Variants in CCDC201 observed in about 807,000 individuals in gnomAD.
The protein encoded by CCDC201 is coiled-coil domain containing 201, also known as coiled-coil domain-containing protein 201.
At chr7:45,883,759 T>C in the CCDC201 span, among the ~76,000 whole-genome samples, 1 of 152,164 alleles carries the variant, frequency 6.6e-6, no homozygotes, top group Non-Finnish European at 1.5e-5. Context: ...CTTTCTTTCA[T>C]GCATTAATCA....
In CCDC201 at chr7:45,867,275, G is replaced by A. The variant is rs536475892; in HGVS notation, c.19-781C>T. On this transcript the variant is annotated intron_variant, in intron 1 of 2. Coordinates refer to ENST00000636578, the Ensembl canonical transcript of CCDC201. Reference sequence around the variant, plus strand: ...ATGCGTGCTCCTAACTGGTATCTCCGCACATCTGGCCGATTTACTACCAAT... The same window carrying A: ...ATGCGTGCTCCTAACTGGTATCTCCACACATCTGGCCGATTTACTACCAAT... Among the ~76,000 whole-genome samples the A allele has an allele frequency of 3.8e-4, 58 of 152,268 alleles. 1 individual carries two copies. The East Asian group carries it at 8.5e-3, about 22-fold the overall frequency.
Position 45,866,173 on chromosome 7 carries a change from G to GCTGCCA in CCDC201, c.339_340insTGGCAG (p.Gln113_Arg114insTrpGln), listed in dbSNP as rs748466042. 1.3e-4 allele frequency: 25 copies of GCTGCCA among 196,420 alleles called. No individual in the cohort carries two copies. The Admixed American group carries it at 1.4e-3, about 11-fold the overall frequency. The allele number at this position is 196,420 out of a possible 1,614,324, so 12.2% of individuals were successfully genotyped here. ...TGCTGCTGCTGCCGCTGCCGCTGCC[G>GCTGCCA]CTGGGTTAAGGAGGCTGATGTGGGC... On this transcript the variant is annotated inframe_insertion, in exon 2 of 3. Coordinates refer to ENST00000636578, the Ensembl canonical transcript of CCDC201.
chr7:45,869,591 G>T (rs941538133), intron 1 of CCDC201, among the ~76,000 whole-genome samples: 1 of 152,070 alleles, frequency 6.6e-6, no homozygotes, highest in Non-Finnish European at 1.5e-5. Context: ...TTTGTACATC[G>T]TTTCCTTCAG....
chr7:45,862,168 A>G (rs1448344397), exon 3 of CCDC201: 1 of 152,284 alleles, frequency 6.6e-6, no homozygotes, highest in Admixed American at 6.5e-5. Flanking sequence ...AGCCCTACAC[A>G]CTCAACAAAC....
chr7:45,877,315 C>T (rs1445436415), upstream of CCDC201, among the ~76,000 whole-genome samples: 3 of 152,168 alleles, frequency 2.0e-5, no homozygotes, highest in African/African-American at 7.2e-5. Flanking sequence ...TTGTTTTCTA[C>T]ACAACCAGTG....
intron 2 of CCDC201, among the ~76,000 whole-genome samples, chr7:45,865,579 T>C (rs936236789): frequency 6.6e-6 from 1 of 152,234 alleles, no homozygotes; most frequent in African/African-American, 2.4e-5. Flanking sequence ...TCTGCTATTC[T>C]GTAACAAGAT....
chr7:45,872,627 G>T (rs1453470815), intron 1 of CCDC201, among the ~76,000 whole-genome samples: 1 of 152,140 alleles, frequency 6.6e-6, no homozygotes, highest in Non-Finnish European at 1.5e-5. Flanking sequence ...ATTGTGCGTG[G>T]GCTCTGGGGA....
At chr7:45,874,158 C>T (rs1786774355), upstream of CCDC201, among the ~76,000 whole-genome samples, 1 of 151,892 alleles carries the variant, frequency 6.6e-6, no homozygotes, top group African/African-American at 2.4e-5. Context: ...CGTGATCTGC[C>T]CGCCTGGCCT....
At chr7:45,877,393 G>A (rs1786823709), upstream of CCDC201, among the ~76,000 whole-genome samples, 2 of 152,180 alleles carry the variant, frequency 1.3e-5, no homozygotes, top group Non-Finnish European at 2.9e-5. Context: ...GCACCACAAG[G>A]CAGGGAAAAC....
upstream of CCDC201, among the ~76,000 whole-genome samples, chr7:45,877,039 T>C (rs543822583): frequency 6.6e-6 from 1 of 152,308 alleles, no homozygotes; most frequent in Non-Finnish European, 1.5e-5. Context: ...GCCCAGCTCT[T>C]GTCATCTTGC....
chr7:45,879,197 G>C, the CCDC201 span, among the ~76,000 whole-genome samples: 1 of 152,158 alleles, frequency 6.6e-6, no homozygotes. Context: ...ATCAGTATTA[G>C]CATTTTGGTC....
At chr7:45,875,356 A>G (rs1357576775), upstream of CCDC201, among the ~76,000 whole-genome samples, 2 of 150,400 alleles carry the variant, frequency 1.3e-5, no homozygotes, top group Non-Finnish European at 3.0e-5. Flanking sequence ...TTAGCCAGGC[A>G]TGGTGGTGTG....
At chr7:45,884,561 G>T in the CCDC201 span, among the ~76,000 whole-genome samples, 1 of 152,092 alleles carries the variant, frequency 6.6e-6, no homozygotes, top group East Asian at 1.9e-4. Flanking sequence ...TGTTATTCCA[G>T]CTCCCAGCAG....
chr7:45,884,713 C>G, the CCDC201 span, among the ~76,000 whole-genome samples: 2 of 152,186 alleles, frequency 1.3e-5, no homozygotes, highest in African/African-American at 4.8e-5. Context: ...CAAGACCAGC[C>G]ATGGCCAGCA....
chr7:45,874,233 G>GA (rs1255188216), upstream of CCDC201, among the ~76,000 whole-genome samples: 1 of 152,158 alleles, frequency 6.6e-6, no homozygotes, highest in Non-Finnish European at 1.5e-5. Context: ...TTTAATAAGG[G>GA]AAAGACAGCC....
upstream of CCDC201, among the ~76,000 whole-genome samples, chr7:45,875,138 GT>G (rs532356326): frequency 1.4e-4 from 22 of 152,312 alleles, no homozygotes; most frequent in South Asian, 4.4e-3. Flanking sequence ...CAGAGAAGAT[GT>G]TTGTGATATA....
At chr7:45,871,065 T>C (rs1041156779) in intron 1 of CCDC201, among the ~76,000 whole-genome samples, 2 of 152,250 alleles carry the variant, frequency 1.3e-5, no homozygotes, top group East Asian at 1.9e-4. Flanking sequence ...TAAATGTTGA[T>C]AATTTGATGT....
At chr7:45,880,061 G>A in the CCDC201 span, among the ~76,000 whole-genome samples, 3 of 152,132 alleles carry the variant, frequency 2.0e-5, no homozygotes, top group African/African-American at 7.2e-5. Context: ...ACTCCAGCCC[G>A]GGTGACAGAG....
chr7:45,861,587 C>A (rs1024697839), exon 3 of CCDC201: 1 of 152,152 alleles, frequency 6.6e-6, no homozygotes, highest in African/African-American at 2.4e-5. Context: ...CAGGAAGAAC[C>A]CAATTATTGA....
Sources: allele counts gnomAD v4.1 joint callset (sites outside exome capture counted in the v4.1 genomes callset), GRCh38; gene constraint gnomAD v4.1.1; transcripts MANE v1.5; gene names NCBI Gene and HGNC (gene_info 2026-07-23, HGNC 2026-07-21).